Variants in PTPRU observed in about 807,000 individuals in gnomAD.
PTPRU encodes the protein protein tyrosine phosphatase receptor type U, also known as receptor-type tyrosine-protein phosphatase U.
In PTPRU, 69 loss-of-function variants were observed where a neutral mutation model predicts 166.3. That is an observed-to-expected ratio of 0.41 (90% CI 0.34 to 0.51). The LOEUF (loss-of-function observed/expected upper bound fraction) is 0.51, where lower values mean the gene tolerates loss of function less well. Among genes scored for constraint, PTPRU ranks in the 20% least tolerant of loss-of-function variants. The pLI is 0.09. For synonymous variants in PTPRU, 793 were observed against 814.0 expected (o/e 0.97, Z 0.44); for missense variants, 1,657 against 2,013.7 (o/e 0.82, Z 3.39).
chr1:29,296,791 G>C (rs1359451119), intron 15 of PTPRU, among the ~76,000 whole-genome samples: 1 of 151,284 alleles, frequency 6.6e-6, no homozygotes, highest in Non-Finnish European at 1.5e-5. Flanking sequence ...CAAAGTGCTG[G>C]GATTACAGGT....
intron 15 of PTPRU, among the ~76,000 whole-genome samples, chr1:29,299,577 C>T (rs896610304): frequency 3.9e-5 from 6 of 152,138 alleles, no homozygotes; most frequent in South Asian, 4.1e-4. Flanking sequence ...GCTTTCCAGG[C>T]GGGACTTTTT....
intron 17 of PTPRU, among the ~76,000 whole-genome samples, 188 bp downstream of exon 17, chr1:29,305,037 G>C (rs1241387904): frequency 2.0e-5 from 3 of 152,310 alleles, no homozygotes; most frequent in African/African-American, 7.2e-5. Context: ...CCTGTGAAAC[G>C]GGAAATACTA....
chr1:29,237,370 G>C lies in PTPRU; in HGVS notation c.73+653G>C, dbSNP rs1683817229. ...TGCCGGGGGCCGCGTGGGTCCGAGT[G>C]AATGCCAAGTGTGCCGGGAATGCGT... On this transcript the variant is annotated intron_variant, in intron 1 of 29. Transcript: ENST00000373779. The surrounding 1 kb of genome is among the most constrained non-coding windows in gnomAD (Gnocchi z 6.4). Among the ~76,000 whole-genome samples the C allele has an allele frequency of 6.6e-6, 1 of 152,136 alleles. No homozygotes were observed. Among genetic ancestry groups the C allele is most frequent in the South Asian group, 2.1e-4 (1 of 4,832 alleles).
intron 15 of PTPRU, among the ~76,000 whole-genome samples, chr1:29,301,729 C>A (rs1391257362): frequency 1.3e-5 from 2 of 152,052 alleles, no homozygotes; most frequent in Admixed American, 6.5e-5. Flanking sequence ...GCTATCCTTC[C>A]CCCCTCCCCT....
In PTPRU at chr1:29,312,753, G is replaced by T. The variant is rs371826988; in HGVS notation, c.3227+47G>T. The T allele has an allele frequency of 1.1e-4, 168 of 1,563,732 alleles. No homozygotes were observed. The African/African-American group carries it at 1.9e-3, about 17-fold the overall frequency. The stretch of plus-strand genomic sequence containing the variant: ...AGGAGAAAAGGGGCCCTTCTCCCTG[G>T]GAATTTGGGCTTGGGGTCAGGTTGG... On this transcript the variant is annotated intron_variant, in intron 22 of 29. Coordinates refer to ENST00000373779, the MANE Select transcript of PTPRU (RefSeq NM_133178.4).
rs529658726 is a variant in PTPRU at position 29,246,111 on chromosome 1, C to T, written c.74-9164C>T. ...TTTCTGGGCATGGCCCCTCTGCATTCCACAGTTGCATTGTACCAACAGTGC... is the reference window on the plus strand; with the variant it reads ...TTTCTGGGCATGGCCCCTCTGCATTTCACAGTTGCATTGTACCAACAGTGC... On this transcript the variant is annotated intron_variant, in intron 1 of 29. Transcript: ENST00000373779. Among the ~76,000 whole-genome samples the T allele has an allele frequency of 3.9e-5, 6 of 152,360 alleles. No homozygotes were observed. The East Asian group carries it at 1.2e-3, about 29-fold the overall frequency.
chr1:29,304,126 A>G, intron 16 of PTPRU, 81 bp downstream of exon 16: 3 of 1,484,646 alleles, frequency 2.0e-6, no homozygotes, highest in Non-Finnish European at 2.7e-6. Flanking sequence ...GACCCTGGCA[A>G]CCCTCAGCCT....
chr1:29,284,040 G>T (rs1420133491), intron 13 of PTPRU, 64 bp downstream of exon 13: 2 of 1,595,306 alleles, frequency 1.3e-6, no homozygotes, highest in South Asian at 1.1e-5. Context: ...GCGCTGGGGA[G>T]GTGGATCCTG....
intron 22 of PTPRU, among the ~76,000 whole-genome samples, chr1:29,313,864 A>T (rs1042288571): frequency 2.0e-5 from 3 of 151,110 alleles, no homozygotes; most frequent in Admixed American, 6.6e-5. Flanking sequence ...CTAAAAAAAA[A>T]TTTTTTTTTA....
chr1:29,313,623 A>G (rs1265244271), intron 22 of PTPRU, among the ~76,000 whole-genome samples: 2 of 152,208 alleles, frequency 1.3e-5, no homozygotes, highest in Non-Finnish European at 1.5e-5. Flanking sequence ...TGGGAAGCCA[A>G]GGTGGGAGGA....
rs1685979574 is a variant in PTPRU at position 29,279,819 on chromosome 1, A to T, written c.1765+162A>T. ...GTTAAAGTCAGGCTCAGGGAGGATG[A>T]AGTCAGAGGAGTCAGGAGACTGGTC... On this transcript the variant is annotated intron_variant, in intron 10 of 29. Coordinates refer to ENST00000373779, the MANE Select transcript of PTPRU (RefSeq NM_133178.4). The surrounding 1 kb of genome is among the most constrained non-coding windows in gnomAD (Gnocchi z 5.2). Among the ~76,000 whole-genome samples the T allele has an allele frequency of 6.6e-6, 1 of 152,230 alleles. No individual in the cohort carries two copies. The highest frequency in any genetic ancestry group is 6.5e-5 in the Admixed American group (1 of 15,288).
rs747364020 is a variant in PTPRU, at chr1:29,323,403, G to C, written c.3861G>C (p.Arg1287=). The change falls in exon 27 of 30, where the codon CGG becomes CGC. Residue 1287 remains arginine, a synonymous_variant. Coordinates refer to ENST00000373779, the MANE Select transcript of PTPRU (RefSeq NM_133178.4). ...TGCAGTACTGGCCAGAGCCAGGCCG[G>C]CAGCAATATGGCCTCATGGAGGTGG... ...PCLQYWPEPG[R]QQYGLMEVEF... 1 of 1,609,450 alleles carries C rather than the reference G, an allele frequency of 6.2e-7. No homozygotes were observed. Among genetic ancestry groups the C allele is most frequent in the East Asian group, 2.2e-5 (1 of 44,602 alleles).
intron 1 of PTPRU, among the ~76,000 whole-genome samples, chr1:29,244,051 GC>G (rs1459319180): frequency 1.3e-5 from 2 of 152,208 alleles, no homozygotes; most frequent in Non-Finnish European, 2.9e-5. Context: ...GAGAAAGGGG[GC>G]TTGGAGGGCC....
chr1:29,236,863 C>G lies in PTPRU; in HGVS notation c.73+146C>G, dbSNP rs140646215. 24 of 789,678 alleles carry G rather than the reference C, an allele frequency of 3.0e-5. No individual in the cohort carries two copies. The African/African-American group carries it at 4.2e-4, about 14-fold the overall frequency. 48.9% of individuals were successfully genotyped at this position (789,678 alleles called of 1,614,324 possible). ...TGAGCGTAGGATGGGCGATTGTGTG[C>G]CCGGGGTGTTGCGTGACTGCGAATG... On this transcript the variant is annotated intron_variant, in intron 1 of 29. Coordinates refer to ENST00000373779, the MANE Select transcript of PTPRU (RefSeq NM_133178.4). The surrounding 1 kb of genome is among the most constrained non-coding windows in gnomAD (Gnocchi z 4.6).
intron 15 of PTPRU, 66 bp from the exon 16 acceptor site, chr1:29,303,789 T>C: frequency 6.9e-7 from 1 of 1,453,756 alleles, no homozygotes; most frequent in Non-Finnish European, 9.4e-7. Flanking sequence ...TAGACCCCAG[T>C]CTCTCCAGGA....
chr1:29,237,738 G>A lies in PTPRU; in HGVS notation c.73+1021G>A, dbSNP rs1457424444. Among the ~76,000 whole-genome samples, 2 of 149,922 alleles carry A rather than the reference G, an allele frequency of 1.3e-5. No individual in the cohort carries two copies. The highest frequency in any genetic ancestry group is 3.9e-4 in the East Asian group (2 of 5,106). ...CGCAAGTTCCGCGCGGCGCTGGCGG[G>A]CGGCTGATCCGAGGCGGCGCCGGGG... On this transcript the variant is annotated intron_variant, in intron 1 of 29. Transcript: ENST00000373779. The surrounding 1 kb of genome is among the most constrained non-coding windows in gnomAD (Gnocchi z 6.4).
chr1:29,286,810 A>G (rs1207978590), intron 14 of PTPRU, among the ~76,000 whole-genome samples: 1 of 152,022 alleles, frequency 6.6e-6, no homozygotes, highest in Non-Finnish European at 1.5e-5. Context: ...TCCATTATGT[A>G]TTTGCTACCC....
In PTPRU at chr1:29,317,882, T is replaced by A; in HGVS notation, c.3648T>A (p.Asp1216Glu). ...DRCLPFLIST[D>E]GDSNNYINAA... Reference sequence around the variant, plus strand: ...GCCTGCCCTTCCTCATCTCCACTGATGGGGACTCCAACAACTACATTAATG... The same window carrying A: ...GCCTGCCCTTCCTCATCTCCACTGAAGGGGACTCCAACAACTACATTAATG... Residue 1216 changes from aspartate to glutamate, a missense_variant, in exon 25 of 30, where the codon GAT (aspartate) becomes GAA (glutamate). By Grantham distance (45) the Asp-to-Glu change is conservative. Around this residue, in one of 3 missense-constraint regions of PTPRU, gnomAD observed 1,190 missense variants for 1,477.4 expected, o/e 0.81. Transcript: ENST00000373779. This position sits in a 1 kb window ranked among gnomAD's most constrained non-coding sequence, Gnocchi z 5.6. 1 of 1,614,020 alleles carries A rather than the reference T, an allele frequency of 6.2e-7. No homozygotes were observed. Among genetic ancestry groups the A allele is most frequent in the Non-Finnish European group, 8.5e-7 (1 of 1,180,020 alleles).
In PTPRU at chr1:29,305,394, C is replaced by A; in HGVS notation, c.2786C>A (p.Pro929His). Residue 929 changes from proline to histidine, a missense_variant, in exon 18 of 30, where the codon CCC (proline) becomes CAC (histidine). By Grantham distance (77) the Pro-to-His change is moderately conservative. Around this residue, in one of 3 missense-constraint regions of PTPRU, gnomAD observed 1,190 missense variants for 1,477.4 expected, o/e 0.81. Transcript: ENST00000373779. ...AAACTGCACCCGATGCTGGGAGACC[C>A]CAATGCCGACTACATTAATGCCAAC... The part of the protein sequence containing the change: ...RVKLHPMLGD[P>H]NADYINANYI... The A allele has an allele frequency of 6.2e-7, 1 of 1,613,996 alleles. No individual in the cohort carries two copies. Among genetic ancestry groups the A allele is most frequent in the Non-Finnish European group, 8.5e-7 (1 of 1,180,022 alleles).
Sources: allele counts gnomAD v4.1 joint callset (sites outside exome capture counted in the v4.1 genomes callset), GRCh38; gene constraint gnomAD v4.1.1; regional missense constraint gnomAD v4.1.1; non-coding constraint Gnocchi (gnomAD v3.1); transcripts MANE v1.5; gene names NCBI Gene and HGNC (gene_info 2026-07-23, HGNC 2026-07-21).